Variants in TPD52 observed in about 807,000 individuals in gnomAD.
TPD52 encodes the protein tumor protein D52.
Under a neutral mutation model 31.3 loss-of-function variants are expected in TPD52, and 17 were observed. The ratio of observed to expected loss-of-function variants is 0.54; its 90% CI spans 0.37 to 0.82. TPD52 has a LOEUF of 0.82. Ranked by LOEUF, TPD52 falls within the 40% of genes least tolerant of loss-of-function variation. The pLI, the probability that TPD52 is intolerant of heterozygous loss-of-function variation, is 0.00. For missense variants in TPD52, 212 were observed against 240.1 expected (o/e 0.88, Z 0.77); for synonymous variants, 83 against 89.6 (o/e 0.93, Z 0.42).
At chr8:80,091,330 G>A (rs574557807) in intron 1 of TPD52, among the ~76,000 whole-genome samples, 6 of 152,222 alleles carry the variant, frequency 3.9e-5, no homozygotes, top group East Asian at 3.9e-4. Flanking sequence ...TTAGCTGGGC[G>A]TGGTGGCGGG....
chr8:80,040,184 C>CTTTTTTTTTTTTTTTTTTTTTT (rs1563557956), intron 7 of TPD52, among the ~76,000 whole-genome samples: 1 of 132,384 alleles, frequency 7.6e-6, no homozygotes, highest in African/African-American at 3.1e-5. Context: ...AATACGCTAT[C>CTTTTTTTTTTTTTTTTTTTTTT]CTTTTTTTTT....
At chr8:80,089,315 TG>T (rs1421865926) in intron 1 of TPD52, among the ~76,000 whole-genome samples, 1 of 152,044 alleles carries the variant, frequency 6.6e-6, no homozygotes, top group Non-Finnish European at 1.5e-5. Flanking sequence ...CAGCAGGAGT[TG>T]TAAAGGACAG....
At chr8:80,152,286 G>A (rs185953928) in intron 1 of TPD52, among the ~76,000 whole-genome samples, 35 of 152,244 alleles carry the variant, frequency 2.3e-4, no homozygotes, top group Non-Finnish European at 4.6e-4. Context: ...GGATGAAGAA[G>A]CCAGGCCAAC....
At chr8:80,059,272 C>T (rs577680600) in intron 2 of TPD52, among the ~76,000 whole-genome samples, 1 of 152,064 alleles carries the variant, frequency 6.6e-6, no homozygotes, top group South Asian at 2.1e-4. Context: ...AAAACAAAAA[C>T]AGTGTATTAA....
rs1563588897 is a variant in TPD52, at chr8:80,065,281, CTATATATCTA to C, written c.20-698_20-689del. Among the ~76,000 whole-genome samples the C allele has an allele frequency of 4.4e-3, 561 of 126,432 alleles. 9 individuals carry two copies. Among genetic ancestry groups the C allele is most frequent in the African/African-American group, 0.015 (524 of 34,692 alleles). 82.9% of individuals were successfully genotyped at this position (126,432 alleles called of 152,430 possible). On this transcript the variant is annotated intron_variant, in intron 1 of 7. Coordinates refer to ENST00000518937, the MANE Select transcript of TPD52 (RefSeq NM_001025253.3). ...TATATCTATCTATATATATCTATAT[CTATATATCTA>C]TATCTATCTATCTATATATATATAT...
At chr8:80,049,615 A>G (rs1212909585) in intron 5 of TPD52, among the ~76,000 whole-genome samples, 1 of 152,150 alleles carries the variant, frequency 6.6e-6, no homozygotes, top group African/African-American at 2.4e-5. Context: ...AACAGAGATG[A>G]AGACTACTAT....
chr8:80,169,568 TA>T (rs1231312945), intron 1 of TPD52, among the ~76,000 whole-genome samples: 1 of 152,224 alleles, frequency 6.6e-6, no homozygotes, highest in Non-Finnish European at 1.5e-5. Flanking sequence ...CAAACACTAC[TA>T]AAACTAGTTA....
rs10089777 is a variant in TPD52, at chr8:80,041,666, G to A, written c.504+954C>T. 6.7e-3 allele frequency among the ~76,000 whole-genome samples: 1,023 copies of A among 151,758 alleles called. 7 individuals are homozygous for A. Among genetic ancestry groups the A allele is most frequent in the Middle Eastern group, 0.014 (4 of 294 alleles). ...AAATCAATAAAGCTCATTATTATGG[G>A]GAAATGTTCACCTCCACTAAAATCA... is the stretch of plus-strand genomic sequence containing the variant. On this transcript the variant is annotated intron_variant, in intron 7 of 7. Coordinates refer to ENST00000518937, the MANE Select transcript of TPD52 (RefSeq NM_001025253.3).
At chr8:80,148,868 G>A (rs890465661) in intron 1 of TPD52, among the ~76,000 whole-genome samples, 1 of 152,122 alleles carries the variant, frequency 6.6e-6, no homozygotes, top group Non-Finnish European at 1.5e-5. Context: ...CTGTTGTACA[G>A]AGAAAAATCA....
At chr8:80,099,163 G>A (rs954687208) in intron 1 of TPD52, among the ~76,000 whole-genome samples, 4 of 152,174 alleles carry the variant, frequency 2.6e-5, no homozygotes, top group South Asian at 2.1e-4. Flanking sequence ...TGTGTGAGTC[G>A]CTTTATTGCT....
chr8:80,143,900 A>G (rs1056359629), intron 1 of TPD52, among the ~76,000 whole-genome samples: 2 of 152,162 alleles, frequency 1.3e-5, no homozygotes, highest in Admixed American at 6.5e-5. Flanking sequence ...TGTTCTTGTA[A>G]TGTTCATGAA....
At chr8:80,102,474 C>G (rs1045251582) in intron 1 of TPD52, among the ~76,000 whole-genome samples, 1 of 152,168 alleles carries the variant, frequency 6.6e-6, no homozygotes, top group Admixed American at 6.5e-5. Flanking sequence ...ACAGACTAAA[C>G]CTGGTAACAT....
intron 1 of TPD52, among the ~76,000 whole-genome samples, chr8:80,136,262 C>A (rs1327693107): frequency 6.7e-6 from 1 of 149,436 alleles, no homozygotes; most frequent in Admixed American, 6.7e-5. Context: ...CGGTGGCTCA[C>A]GCCTGTAATC....
At chr8:80,104,074 C>A (rs1190028308) in intron 1 of TPD52, among the ~76,000 whole-genome samples, 1 of 152,170 alleles carries the variant, frequency 6.6e-6, no homozygotes, top group East Asian at 1.9e-4. Flanking sequence ...AGGAAAACCA[C>A]ACAAAATTGA....
intron 1 of TPD52, among the ~76,000 whole-genome samples, chr8:80,119,386 A>G (rs1241314792): frequency 2.0e-5 from 3 of 152,238 alleles, no homozygotes; most frequent in Non-Finnish European, 4.4e-5. Context: ...AATGAATTAT[A>G]GATTGAATGA....
rs1255453474 is a variant in TPD52 at position 80,096,277 on chromosome 8, AACACACACACACAAAC to A, written c.20-31700_20-31685del. Among the ~76,000 whole-genome samples the A allele has an allele frequency of 6.7e-3, 840 of 125,710 alleles. 8 individuals are homozygous for A. Among genetic ancestry groups the A allele is most frequent in the African/African-American group, 0.022 (748 of 33,630 alleles). 82.5% of individuals were successfully genotyped at this position (125,710 alleles called of 152,430 possible). The stretch of plus-strand genomic sequence containing the variant: ...GTCTCAAAATAAATAAAGACTATCA[AACACACACACACAAAC>A]ACACACACACACACACACACACACA... On this transcript the variant is annotated intron_variant, in intron 1 of 7. Transcript: ENST00000518937.
chr8:80,151,986 AC>A (rs1476896994), intron 1 of TPD52, among the ~76,000 whole-genome samples: 1 of 152,176 alleles, frequency 6.6e-6, no homozygotes, highest in African/African-American at 2.4e-5. Context: ...GTCAGAAGAG[AC>A]CTAAGTACTT....
At chr8:80,148,522 C>T (rs1258927367) in intron 1 of TPD52, among the ~76,000 whole-genome samples, 2 of 152,138 alleles carry the variant, frequency 1.3e-5, no homozygotes, top group Non-Finnish European at 2.9e-5. Flanking sequence ...TGGCATCACC[C>T]TTGACATAAC....
intron 1 of TPD52, among the ~76,000 whole-genome samples, chr8:80,104,542 A>G (rs915742644): frequency 6.6e-6 from 1 of 151,634 alleles, no homozygotes; most frequent in Admixed American, 6.6e-5. Context: ...CCGGGGGAAC[A>G]GAGCAAGACC....
Sources: gnomAD v4.1 joint callset for allele counts (sites outside exome capture counted in the v4.1 genomes callset) on GRCh38, gnomAD v4.1.1 for gene constraint, MANE v1.5 for transcripts, NCBI Gene and HGNC (gene_info 2026-07-23, HGNC 2026-07-21) for gene names.